The following COL5A1 variants were observed in gnomAD, a reference collection of about 807,000 sequenced individuals.
COL5A1 encodes collagen alpha-1(V) chain.
COL5A1 carries 16 observed loss-of-function variants against 263.7 expected under a neutral mutation model. The observed-to-expected ratio is 0.06, with a 90% CI of 0.04 to 0.09. COL5A1 has a LOEUF of 0.09. Ranked by LOEUF, COL5A1 falls within the 10% of genes least tolerant of loss-of-function variation. The pLI is 1.00. For missense variants in COL5A1, 2,036 were observed against 2,540.5 expected (o/e 0.80, Z 4.27); for synonymous variants, 1,012 against 1,004.5 (o/e 1.01, Z -0.14).
At chr9:134,759,771 C>G (rs1836215587) in intron 18 of COL5A1, among the ~76,000 whole-genome samples, 3 of 119,630 alleles carry the variant, frequency 2.5e-5, no homozygotes, top group South Asian at 6.2e-4. Flanking sequence ...CCACGCACCC[C>G]CACACTCATA....
intron 11 of COL5A1, among the ~76,000 whole-genome samples, chr9:134,743,279 C>T (rs114576922): frequency 7.6e-4 from 116 of 152,262 alleles, no homozygotes; most frequent in African/African-American, 2.8e-3. Flanking sequence ...CCTGAATCTC[C>T]GCAGTCCACT....
At chr9:134,814,060 G>A in intron 49 of COL5A1, 24 bp downstream of exon 49, 2 of 1,550,142 alleles carry the variant, frequency 1.3e-6, no homozygotes, top group South Asian at 1.2e-5. Context: ...CGCTGCGGGA[G>A]GGGTGGGATA....
intron 44 of COL5A1, 33 bp downstream of exon 44, chr9:134,810,341 C>G: frequency 6.2e-7 from 1 of 1,610,132 alleles, no homozygotes. Flanking sequence ...GCGGCAGCCC[C>G]CAGGTCCCGG....
intron 1 of COL5A1, among the ~76,000 whole-genome samples, chr9:134,654,024 G>C (rs1831794401): frequency 1.4e-5 from 2 of 147,248 alleles, no homozygotes; most frequent in African/African-American, 5.0e-5. Flanking sequence ...TGTAGGGCTG[G>C]AGTTGTGTAG....
rs1248018534 is a variant in COL5A1 at position 134,649,607 on chromosome 9, G to C, written c.109+7311G>C. 9 of 441,994 alleles carry C rather than the reference G, an allele frequency of 2.0e-5. No individual in the cohort carries two copies. In the East Asian group the frequency reaches 6.3e-4, roughly 31 times the overall value. 27.4% of individuals were successfully genotyped at this position (441,994 alleles called of 1,614,324 possible). A position where few individuals can be genotyped will look rare whatever the true frequency, so the allele number is the denominator to read the frequency against. The stretch of plus-strand genomic sequence containing the variant: ...TTTCTGTAAATAAATGCCACAAAAT[G>C]ACATAAAAACAGTGTGGTGATTCCT... On this transcript the variant is annotated intron_variant, in intron 1 of 65. Transcript: ENST00000371817.
rs2132729303 is a variant in COL5A1 at position 134,767,330 on chromosome 9, T to A, written c.2208T>A (p.Gly736=). ...CTTAGGGTCTTCCAGGCCCCCAGGG[T>A]GCAATTGGTCCTCCAGGAGAAAAGG... ...PGAQGLPGPQ[G]AIGPPGEKGP... The change falls in exon 24 of 66, where the codon GGT becomes GGA. Residue 736 remains glycine (G), a synonymous_variant. Transcript: ENST00000371817. 1 of 1,614,044 alleles carries A rather than the reference T, an allele frequency of 6.2e-7. No homozygotes were observed. The highest frequency in any genetic ancestry group is 8.5e-7 in the Non-Finnish European group (1 of 1,180,008).
chr9:134,646,822 A>G (rs1286132938), intron 1 of COL5A1, among the ~76,000 whole-genome samples: 1 of 152,086 alleles, frequency 6.6e-6, no homozygotes, highest in Non-Finnish European at 1.5e-5. Context: ...CAGATTACTG[A>G]ACTCCAGGCC....
intron 1 of COL5A1, among the ~76,000 whole-genome samples, chr9:134,663,309 G>A (rs1177258603): frequency 6.6e-6 from 1 of 152,220 alleles, no homozygotes; most frequent in African/African-American, 2.4e-5. Flanking sequence ...CCAGAACGTA[G>A]CACACTTCTC....
Position 134,703,699 on chromosome 9 carries a change from A to G in COL5A1, c.654+2366A>G, listed in dbSNP as rs113939704. ...GTCGCCCAGGCTGGAGTGCAGTGGC[A>G]CGATCTCGGCTCACTGCAAGCTCTG... is the stretch of plus-strand genomic sequence containing the variant. On this transcript the variant is annotated intron_variant, in intron 4 of 65. Transcript: ENST00000371817. 6.6e-4 allele frequency among the ~76,000 whole-genome samples: 91 copies of G among 137,312 alleles called. 1 individual carries two copies. The highest frequency in any genetic ancestry group is 2.1e-3 in the African/African-American group (74 of 35,548). 90.1% of individuals were successfully genotyped at this position (137,312 alleles called of 152,430 possible).
chr9:134,685,149 TCATC>T (rs1426876565), intron 1 of COL5A1, among the ~76,000 whole-genome samples: 13 of 115,824 alleles, frequency 1.1e-4, no homozygotes, highest in South Asian at 6.4e-4. Flanking sequence ...ATCCTCCCAT[TCATC>T]CATCCATCCA....
At chr9:134,710,346 G>A (rs573144987) in intron 4 of COL5A1, among the ~76,000 whole-genome samples, 53 of 152,358 alleles carry the variant, frequency 3.5e-4, no homozygotes, top group African/African-American at 1.2e-3. Flanking sequence ...CGTCAGTGCC[G>A]TTAACCCTGT....
rs1428990840 is a variant in COL5A1 at position 134,835,070 on chromosome 9, T to A, written c.5236T>A (p.Cys1746Ser). ...TGCCCACCAGAACGTCACCTACCAC[T>A]GCTACCAGTCAGTGGCCTGGCAGGA... ...ASAHQNVTYH[C>S]YQSVAWQDAA... Residue 1746 changes from cysteine (C) to serine (S), a missense_variant, in exon 65 of 66, where the codon TGC becomes AGC. Physicochemically the swap from Cys to Ser is moderately radical, Grantham distance 112. Coordinates refer to ENST00000371817, the MANE Select transcript of COL5A1 (RefSeq NM_000093.5). 21 of 1,613,610 alleles carry A rather than the reference T, an allele frequency of 1.3e-5. No homozygotes were observed. The highest frequency in any genetic ancestry group is 1.8e-5 in the Non-Finnish European group (21 of 1,180,024).
intron 27 of COL5A1, among the ~76,000 whole-genome samples, chr9:134,776,598 G>A (rs1166587466): frequency 1.3e-5 from 2 of 152,228 alleles, no homozygotes; most frequent in African/African-American, 4.8e-5. Flanking sequence ...ATGGTGGCAG[G>A]GCGTGGGATT....
At chr9:134,793,385 G>C (rs569862694) in intron 32 of COL5A1, among the ~76,000 whole-genome samples, 125 of 44,054 alleles carry the variant, frequency 2.8e-3, no homozygotes, top group African/African-American at 0.012. Context: ...TAAGGAGGCT[G>C]GGGGGGGCAT....
chr9:134,823,950 G>C (rs544329036), intron 61 of COL5A1, among the ~76,000 whole-genome samples: 2 of 152,082 alleles, frequency 1.3e-5, no homozygotes, highest in South Asian at 4.1e-4. Context: ...TATTGTATAC[G>C]TGCATGCATG....
Position 134,696,059 on chromosome 9 carries a change from C to G in COL5A1, c.278-3850C>G, listed in dbSNP as rs1833450040. Among the ~76,000 whole-genome samples, 1 of 152,160 alleles carries G rather than the reference C, an allele frequency of 6.6e-6. No homozygotes were observed. The highest frequency in any genetic ancestry group is 1.5e-5 in the Non-Finnish European group (1 of 68,018). On this transcript the variant is annotated intron_variant, in intron 2 of 65. Coordinates refer to ENST00000371817, the MANE Select transcript of COL5A1 (RefSeq NM_000093.5). The surrounding 1 kb of genome is among the most constrained non-coding windows in gnomAD (Gnocchi z 4.3). ...TGCCAGGGTCCAGCTGAAACCTCAG[C>G]CGCCCCCCAGGTTCCTGGCCCCCTG...
rs374582708 is a variant in COL5A1, at chr9:134,762,135, C to T, written c.1989+157C>T. Among the ~76,000 whole-genome samples, 142 of 152,296 alleles carry T rather than the reference C, an allele frequency of 9.3e-4. 6 individuals are homozygous for T. In the South Asian group the frequency reaches 0.021, roughly 22 times the overall value. On this transcript the variant is annotated intron_variant, in intron 19 of 65. Transcript: ENST00000371817. ...CAGATGGGGATTCCAGTGGGCAAAG[C>T]GATTGATCAGATGCCAAGAGGCTGC...
Position 134,809,268 on chromosome 9 carries a change from C to A in COL5A1, c.3452C>A (p.Pro1151His). The change falls in exon 43 of 66, where the codon CCC becomes CAC. Residue 1151 changes from proline to histidine, a missense_variant. By Grantham distance (77) the Pro-to-His change is moderately conservative. This residue lies in a region of COL5A1 where 1,078 missense variants were observed against 1,521.4 expected (regional missense o/e 0.71). Transcript: ENST00000371817. ...CCGGGTCCAGCTGGCCCTGTGGGTC[C>A]CCCTGGAGAAGACGGAGATAAGGTA... ...GLPGPAGPVG[P>H]PGEDGDKGEI... The A allele has an allele frequency of 6.2e-7, 1 of 1,609,088 alleles. No individual in the cohort carries two copies. The highest frequency in any genetic ancestry group is 8.5e-7 in the Non-Finnish European group (1 of 1,178,352).
rs1832906318 is a variant in COL5A1, at chr9:134,682,995, C to T, written c.110-7917C>T. Among the ~76,000 whole-genome samples, 1 of 152,232 alleles carries T rather than the reference C, an allele frequency of 6.6e-6. No individual in the cohort carries two copies. The highest frequency in any genetic ancestry group is 1.5e-5 in the Non-Finnish European group (1 of 68,034). ...AAGATCCAATGCAGACCCCAGCAGG[C>T]CTCGTAGGAGCGTGCGATCCCACGG... On this transcript the variant is annotated intron_variant, in intron 1 of 65. Coordinates refer to ENST00000371817, the MANE Select transcript of COL5A1 (RefSeq NM_000093.5). This position sits in a 1 kb window ranked among gnomAD's most constrained non-coding sequence, Gnocchi z 5.1.
Sources: allele counts gnomAD v4.1 joint callset (sites outside exome capture counted in the v4.1 genomes callset), GRCh38; gene constraint gnomAD v4.1.1; regional missense constraint gnomAD v4.1.1; non-coding constraint Gnocchi (gnomAD v3.1); transcripts MANE v1.5; gene names NCBI Gene and HGNC (gene_info 2026-07-23, HGNC 2026-07-21).